Variants in EXTL2 observed in about 807,000 individuals in gnomAD.
The protein encoded by EXTL2 is exostosin-like 2.
In EXTL2, 23 loss-of-function variants were observed where a neutral mutation model predicts 30.7. The observed-to-expected ratio is 0.75, with a 90% CI of 0.54 to 1.06. EXTL2 has a LOEUF of 1.06. Ranked by LOEUF, EXTL2 falls within the 50% of genes least tolerant of loss-of-function variation. The pLI is 0.00. For synonymous variants in EXTL2, 123 were observed against 133.8 expected (o/e 0.92, Z 0.56); for missense variants, 352 against 396.3 (o/e 0.89, Z 0.95).
At chr1:100,885,506 G>GA (rs1452650752) in intron 2 of EXTL2, 1 of 152,200 alleles carries the variant, frequency 6.6e-6, no homozygotes, top group Non-Finnish European at 1.5e-5. Context: ...AAAAACTACA[G>GA]ACTTCATGAC....
At position 100,877,448 on chromosome 1, in the gene EXTL2, C is replaced by A. The variant is rs78248300; in HGVS notation, c.433+28G>T. On this transcript the variant is annotated intron_variant, in intron 3 of 4. Transcript: ENST00000370114. The surrounding 1 kb of genome is among the most constrained non-coding windows in gnomAD (Gnocchi z 4.1). Reference sequence around the variant, plus strand: ...CCAGCTCTGGACAGCGGCAGCCTTTCCAGGCTGAGAACTACACTGCAACTC... The same window carrying A: ...CCAGCTCTGGACAGCGGCAGCCTTTACAGGCTGAGAACTACACTGCAACTC... 1,716 of 1,531,398 alleles carry A rather than the reference C, an allele frequency of 1.1e-3. 21 individuals are homozygous for A. The African/African-American group carries it at 0.021, about 19-fold the overall frequency. The allele number at this position is 1,531,398 out of a possible 1,614,324, so 94.9% of individuals were successfully genotyped here.
rs1375594092 is a variant in EXTL2 at position 100,882,103 on chromosome 1, C to A, written c.6-4200G>T. Among the ~76,000 whole-genome samples the A allele has an allele frequency of 3.3e-5, 5 of 152,208 alleles. No homozygotes were observed. In the East Asian group the frequency reaches 7.7e-4, roughly 23 times the overall value. On this transcript the variant is annotated intron_variant, in intron 2 of 4. Coordinates refer to ENST00000370114, the MANE Select transcript of EXTL2 (RefSeq NM_001033025.3). ...AGTTTTATCCCAAAACCATCCCCCA[C>A]CACCCATCCATGGAAAAATTGTCTT...
At chr1:100,875,791 T>C (rs1037129392) in intron 4 of EXTL2, among the ~76,000 whole-genome samples, 3 of 152,114 alleles carry the variant, frequency 2.0e-5, no homozygotes, top group African/African-American at 7.2e-5. Flanking sequence ...ACAGTCCCCA[T>C]ATTCTGCCTC....
chr1:100,889,285 T>G (rs554436406), intron 1 of EXTL2, among the ~76,000 whole-genome samples: 6 of 152,256 alleles, frequency 3.9e-5, no homozygotes, highest in African/African-American at 1.4e-4. Context: ...GAGAACTCAC[T>G]CACTATCACA....
chr1:100,879,166 A>G (rs1649370288), intron 2 of EXTL2, among the ~76,000 whole-genome samples: 1 of 152,122 alleles, frequency 6.6e-6, no homozygotes, highest in Non-Finnish European at 1.5e-5. Flanking sequence ...ATAACATTTC[A>G]TTTCCATGCT....
intron 1 of EXTL2, among the ~76,000 whole-genome samples, chr1:100,889,747 C>G (rs1650273609): frequency 6.6e-6 from 1 of 152,204 alleles, no homozygotes; most frequent in South Asian, 2.1e-4. Flanking sequence ...TAAATAATCT[C>G]CTTTGACTCT....
At chr1:100,888,698 G>A (rs1650167022) in intron 2 of EXTL2, 55 bp downstream of exon 2, 1 of 948,816 alleles carries the variant, frequency 1.1e-6, no homozygotes. Flanking sequence ...GATAAATTTT[G>A]TGTTATACGT....
intron 4 of EXTL2, 31 bp from the exon 5 acceptor site, chr1:100,874,461 T>C (rs1359765879): frequency 2.0e-6 from 3 of 1,520,486 alleles, no homozygotes; most frequent in African/African-American, 2.8e-5. Context: ...CAATAAAATG[T>C]CACATATTTT....
At chr1:100,883,979 T>C (rs1649764335) in intron 2 of EXTL2, among the ~76,000 whole-genome samples, 1 of 152,234 alleles carries the variant, frequency 6.6e-6, no homozygotes. Context: ...AAAGATCTGC[T>C]ATAGAGTTAC....
chr1:100,876,136 C>T (rs559239378), intron 4 of EXTL2, among the ~76,000 whole-genome samples: 15 of 152,114 alleles, frequency 9.9e-5, no homozygotes, highest in South Asian at 6.2e-4. Context: ...TTATTTGACA[C>T]GGCTTCGAAG....
At chr1:100,886,105 C>T (rs10218565) in intron 2 of EXTL2, among the ~76,000 whole-genome samples, 44,818 of 151,986 alleles carry the variant, frequency 0.29, 6,978 homozygotes, top group Non-Finnish European at 0.35. Context: ...AACTGTGTTA[C>T]GGACTAGTTA....
intron 2 of EXTL2, among the ~76,000 whole-genome samples, chr1:100,879,072 T>C (rs1461612900): frequency 1.3e-5 from 2 of 152,168 alleles, no homozygotes; most frequent in Non-Finnish European, 2.9e-5. Context: ...AAATTTTGTG[T>C]AATCAAATCC....
At chr1:100,876,724 C>A in intron 4 of EXTL2, 70 bp downstream of exon 4, 1 of 997,734 alleles carries the variant, frequency 1.0e-6, no homozygotes. Flanking sequence ...CTATATTAAC[C>A]ATGTTGCCGT....
intron 2 of EXTL2, among the ~76,000 whole-genome samples, chr1:100,881,823 C>T (rs1347211579): frequency 6.6e-6 from 1 of 152,136 alleles, no homozygotes; most frequent in African/African-American, 2.4e-5. Flanking sequence ...TGTTACTTAG[C>T]GTCTTCTACA....
chr1:100,888,655 C>T (rs1327948877), intron 2 of EXTL2, 98 bp downstream of exon 2: 2 of 587,918 alleles, frequency 3.4e-6, no homozygotes, highest in South Asian at 2.8e-5. Flanking sequence ...ACAGTTAACA[C>T]TACTGAACTA....
At chr1:100,890,564 A>T (rs2100973138) in intron 1 of EXTL2, among the ~76,000 whole-genome samples, 1 of 152,222 alleles carries the variant, frequency 6.6e-6, no homozygotes, top group South Asian at 2.1e-4. Flanking sequence ...TTCCCTTTTA[A>T]ACACAAGTTC....
intron 2 of EXTL2, chr1:100,885,472 T>C (rs1395856210): frequency 6.6e-6 from 1 of 152,108 alleles, no homozygotes; most frequent in African/African-American, 2.4e-5. Context: ...GAAAAGAAAA[T>C]TTAGTTTGGG....
chr1:100,889,673 A>C (rs1650264374), intron 1 of EXTL2, among the ~76,000 whole-genome samples: 1 of 152,222 alleles, frequency 6.6e-6, no homozygotes, highest in South Asian at 2.1e-4. Context: ...GGCCAAAAAA[A>C]AGGGGCCACA....
intron 2 of EXTL2, among the ~76,000 whole-genome samples, chr1:100,881,850 C>T (rs892745380): frequency 6.6e-6 from 1 of 152,138 alleles, no homozygotes; most frequent in African/African-American, 2.4e-5. Flanking sequence ...GTCCCCAATC[C>T]CCAGGCTACA....
Sources: gnomAD v4.1 joint callset for allele counts (sites outside exome capture counted in the v4.1 genomes callset) on GRCh38, gnomAD v4.1.1 for gene constraint, Gnocchi (gnomAD v3.1) non-coding constraint, MANE v1.5 for transcripts, NCBI Gene and HGNC (gene_info 2026-07-23, HGNC 2026-07-21) for gene names.